PYY: variants seen among roughly 807,000 people sequenced by gnomAD.
The protein encoded by PYY is peptide tyrosine tyrosine.
PYY carries 12 observed loss-of-function variants against 10.3 expected under a neutral mutation model. The ratio of observed to expected loss-of-function variants is 1.17; its 90% CI spans 0.75 to 1.89. The LOEUF (loss-of-function observed/expected upper bound fraction) is 1.89. PYY is among the 40% of genes most tolerant of loss of function. The pLI is 0.00. For synonymous variants in PYY, 66 were observed against 62.0 expected (o/e 1.06, Z -0.30); for missense variants, 141 against 134.0 (o/e 1.05, Z -0.26).
upstream of PYY, among the ~76,000 whole-genome samples, chr17:43,955,545 G>A (rs1008506511): frequency 1.5e-4 from 23 of 152,150 alleles, no homozygotes; most frequent in Non-Finnish European, 2.6e-4. Flanking sequence ...CATGGGGGTG[G>A]AAGAGGACAC....
In PYY at chr17:43,989,809, TAAAAAAAAAAA is replaced by T. The variant is rs1174890162; in HGVS notation, c.-463+14571_-463+14581del. On this transcript the variant is annotated intron_variant, in intron 1 of 6. Coordinates refer to the PYY transcript ENST00000360085. ...GAGACAGACCAAGAGGCTGTCTCTT[TAAAAAAAAAAA>T]AAAAAAAAAAAAAAAAAAAAAAAAT... Among the ~76,000 whole-genome samples the T allele has an allele frequency of 9.9e-3, 104 of 10,490 alleles. 3 individuals are homozygous for T. The highest frequency in any genetic ancestry group is 0.031 in the African/African-American group (79 of 2,542). 6.9% of individuals were successfully genotyped at this position (10,490 alleles called of 152,430 possible). A position where few individuals can be genotyped will look rare whatever the true frequency, so the allele number is the denominator to read the frequency against.
In PYY at chr17:43,960,532, C is replaced by CAAAAAAAAA. The variant is rs1170040925; in HGVS notation, c.-217-2513_-217-2505dup. 3.9e-4 allele frequency among the ~76,000 whole-genome samples: 23 copies of CAAAAAAAAA among 59,002 alleles called. 1 individual carries two copies. In the East Asian group the frequency reaches 8.1e-3, roughly 21 times the overall value. 38.7% of individuals were successfully genotyped at this position (59,002 alleles called of 152,430 possible). Reference sequence around the variant, plus strand: ...GAGGGACGAGAGTGAGACTTTGTCTCAAAAAAAAAAAAAAAAAAAAAAACA... The same window carrying CAAAAAAAAA: ...GAGGGACGAGAGTGAGACTTTGTCTCAAAAAAAAAAAAAAAAAAAAAAAAAAAAAAAACA... On this transcript the variant is annotated intron_variant, in intron 2 of 6. Coordinates refer to the PYY transcript ENST00000360085.
chr17:44,002,535 A>G (rs1296645767), intron 1 of PYY, among the ~76,000 whole-genome samples: 2 of 152,184 alleles, frequency 1.3e-5, no homozygotes, highest in Non-Finnish European at 2.9e-5. Flanking sequence ...ATCAGAGTGT[A>G]CCCAAGGGCA....
At chr17:43,959,749 T>C (rs1301997069) in intron 2 of PYY, among the ~76,000 whole-genome samples, 5 of 152,278 alleles carry the variant, frequency 3.3e-5, no homozygotes, top group East Asian at 1.9e-4. Flanking sequence ...AATTAGATAC[T>C]GTGAGGGTCC....
intron 1 of PYY, among the ~76,000 whole-genome samples, chr17:43,994,911 T>C (rs1453958942): frequency 6.6e-6 from 1 of 151,444 alleles, no homozygotes; most frequent in Non-Finnish European, 1.5e-5. Context: ...AGCAAGAGGG[T>C]ATCAGGAGTC....
chr17:43,966,650 C>T (rs534155978), intron 1 of PYY: 19 of 152,360 alleles, frequency 1.2e-4, no homozygotes, highest in African/African-American at 4.1e-4. Flanking sequence ...ACTCCCAATC[C>T]TCCTTATCTG....
At chr17:43,974,012 C>G (rs1053753379) in intron 1 of PYY, among the ~76,000 whole-genome samples, 2 of 152,026 alleles carry the variant, frequency 1.3e-5, no homozygotes, top group Non-Finnish European at 2.9e-5. Context: ...TGGAGCCGAC[C>G]CAGGCTGTTG....
chr17:43,958,214 T>G (rs909106048), upstream of PYY, among the ~76,000 whole-genome samples: 4 of 147,768 alleles, frequency 2.7e-5, no homozygotes, highest in Admixed American at 1.4e-4. Context: ...AAGTTTGAAT[T>G]TTATATAATT....
intron 1 of PYY, among the ~76,000 whole-genome samples, chr17:43,998,376 G>A (rs1250344757): frequency 2.0e-5 from 3 of 152,076 alleles, no homozygotes; most frequent in Non-Finnish European, 4.4e-5. Context: ...TGGGCAATAC[G>A]ATGAAACCGT....
At position 43,991,137 on chromosome 17, in the gene PYY, A is replaced by C. The variant is rs886493472; in HGVS notation, c.-463+13254T>G. Reference sequence around the variant, plus strand: ...GATACAAAATGTCACCTGCAATAAGATCTCAACTGGGGCCAGGCACAGTGG... The same window carrying C: ...GATACAAAATGTCACCTGCAATAAGCTCTCAACTGGGGCCAGGCACAGTGG... On this transcript the variant is annotated intron_variant, in intron 1 of 6. Transcript: ENST00000360085. Among the ~76,000 whole-genome samples, 11 of 152,044 alleles carry C rather than the reference A, an allele frequency of 7.2e-5. No homozygotes were observed. In the East Asian group the frequency reaches 9.8e-4, roughly 14 times the overall value.
At chr17:43,989,809 TAAAAAAAAAAAAAAAAAA>T (rs1174890162) in intron 1 of PYY, among the ~76,000 whole-genome samples, 270 of 10,504 alleles carry the variant, frequency 0.026, 21 homozygotes, top group African/African-American at 0.07. Flanking sequence ...GCTGTCTCTT[TAAAAAAAAAAAAAAAAAA>T]AAAAAAAAAA....
chr17:43,970,486 G>A (rs1406639499), intron 1 of PYY, among the ~76,000 whole-genome samples: 2 of 150,734 alleles, frequency 1.3e-5, no homozygotes, highest in Non-Finnish European at 2.9e-5. Flanking sequence ...CAGCCTAAAC[G>A]ACAGAAGGAG....
intron 2 of PYY, 27 bp from the exon 3 acceptor site, chr17:43,953,216 G>A: frequency 6.2e-7 from 1 of 1,612,856 alleles, no homozygotes; most frequent in Non-Finnish European, 8.5e-7. Context: ...GAAGAGCGTG[G>A]TCAGATCTGG....
rs573860516 is a variant in PYY at position 43,995,829 on chromosome 17, G to GAA, written c.-463+8560_-463+8561dup. On this transcript the variant is annotated intron_variant, in intron 1 of 6. Transcript: ENST00000360085. ...AGCCTGGGTGACACTCCATCTCAAT[G>GAA]AAAAAAAAAAAAAAAAACGAAAAGA... Among the ~76,000 whole-genome samples, 266 of 97,772 alleles carry GAA rather than the reference G, an allele frequency of 2.7e-3. 3 individuals carry two copies. Among genetic ancestry groups the GAA allele is most frequent in the East Asian group, 0.012 (46 of 3,726 alleles). 64.1% of individuals were successfully genotyped at this position (97,772 alleles called of 152,430 possible).
intron 1 of PYY, among the ~76,000 whole-genome samples, chr17:43,979,743 G>C (rs374873458): frequency 6.6e-6 from 1 of 151,646 alleles, no homozygotes; most frequent in African/African-American, 2.4e-5. Context: ...GACCAGCGGT[G>C]GGGGGAGAAA....
rs573981633 is a variant in PYY, at chr17:43,977,674, C to A, written c.-462-11142G>T. 8.5e-5 allele frequency among the ~76,000 whole-genome samples: 13 copies of A among 152,236 alleles called. No individual in the cohort carries two copies. The South Asian group carries it at 1.7e-3, about 19-fold the overall frequency. ...TCTGGGGTCCCTTGAAACTGCAGCA[C>A]CATCTCAGAGCCACCTATGCCACTG... On this transcript the variant is annotated intron_variant, in intron 1 of 6. Coordinates refer to the PYY transcript ENST00000360085.
rs867941920 is a variant in PYY, at chr17:43,975,747, C to T, written c.-462-9215G>A. Among the ~76,000 whole-genome samples, 706 of 110,040 alleles carry T rather than the reference C, an allele frequency of 6.4e-3. 127 individuals are homozygous for T. Among genetic ancestry groups the T allele is most frequent in the Non-Finnish European group, 8.1e-3 (443 of 54,540 alleles). 72.2% of individuals were successfully genotyped at this position (110,040 alleles called of 152,430 possible). ...AAAAATATATATATATATATATATACACACACACACACATATATATATACA... is the reference window on the plus strand; with the variant it reads ...AAAAATATATATATATATATATATATACACACACACACATATATATATACA... On this transcript the variant is annotated intron_variant, in intron 1 of 6. Coordinates refer to the PYY transcript ENST00000360085.
chr17:43,952,991 G>A lies in PYY; in HGVS notation c.270-11C>T, dbSNP rs1189223344. The A allele has an allele frequency of 1.9e-6, 3 of 1,569,194 alleles. No homozygotes were observed. The highest frequency in any genetic ancestry group is 1.7e-6 in the Non-Finnish European group (2 of 1,156,538). ...TCTGGGCCCTCCGACCTGCGGAAGC[G>A]AAGGGGAAGGAATTGGATCTGGGGA... is the stretch of plus-strand genomic sequence containing the variant. On this transcript the variant is annotated splice_polypyrimidine_tract_variant and intron_variant, in intron 3 of 3. Transcript: ENST00000692052.
At chr17:43,961,984 C>T (rs1026830876) in intron 2 of PYY, among the ~76,000 whole-genome samples, 1 of 152,074 alleles carries the variant, frequency 6.6e-6, no homozygotes, top group Non-Finnish European at 1.5e-5. Context: ...TGTCACCCTA[C>T]CTCACGCATC....
Sources: allele counts gnomAD v4.1 joint callset (sites outside exome capture counted in the v4.1 genomes callset), GRCh38; gene constraint gnomAD v4.1.1; transcripts MANE v1.5; gene names NCBI Gene and HGNC (gene_info 2026-07-23, HGNC 2026-07-21).